KBTBD2: variants seen among roughly 807,000 people sequenced by gnomAD.
KBTBD2 encodes kelch repeat and BTB domain-containing protein 2.
A neutral mutation model predicts 57.1 loss-of-function variants in KBTBD2; 17 were observed. The ratio of observed to expected loss-of-function variants is 0.30; its 90% CI spans 0.20 to 0.45. The LOEUF is 0.45. Among genes scored for constraint, KBTBD2 ranks in the 20% least tolerant of loss-of-function variants. The pLI is 1.00. For synonymous variants in KBTBD2, 267 were observed against 262.7 expected, an observed-to-expected ratio of 1.02 and a Z score of -0.16; for missense variants, 515 against 750.6, an observed-to-expected ratio of 0.69 and a Z score of 3.67.
chr7:32,884,993 CATAT>C (rs199650189), intron 1 of KBTBD2, among the ~76,000 whole-genome samples: 5 of 101,368 alleles, frequency 4.9e-5, no homozygotes, highest in South Asian at 6.8e-4. Flanking sequence ...TATATATACA[CATAT>C]ATGTGTATAT....
chr7:32,891,878 G>GCCGCCC (rs1427683140), upstream of KBTBD2: 1 of 100,534 alleles, frequency 9.9e-6, no homozygotes, highest in African/African-American at 4.1e-5. Flanking sequence ...CGCCGGGCCC[G>GCCGCCC]CCGCCCCCGC....
intron 1 of KBTBD2, among the ~76,000 whole-genome samples, chr7:32,886,384 A>G (rs904072406): frequency 6.6e-6 from 1 of 152,230 alleles, no homozygotes; most frequent in African/African-American, 2.4e-5. Flanking sequence ...AACACATAAA[A>G]GTTTTGAAAC....
At chr7:32,884,981 T>C (rs2127955940) in intron 1 of KBTBD2, among the ~76,000 whole-genome samples, 1 of 123,608 alleles carries the variant, frequency 8.1e-6, no homozygotes. Context: ...TGTGTGTATA[T>C]ATATATATAC....
chr7:32,870,805 T>C lies in KBTBD2; in HGVS notation c.412A>G (p.Ser138Gly). 6.2e-7 allele frequency: 1 copy of C among 1,612,726 alleles called. No homozygotes were observed. The highest frequency in any genetic ancestry group is 8.5e-7 in the Non-Finnish European group (1 of 1,179,682). Residue 138 changes from serine (S) to glycine (G), a missense_variant, in exon 4 of 4, where the codon AGT becomes GGT. Coordinates refer to ENST00000304056, the MANE Select transcript of KBTBD2 (RefSeq NM_015483.3). The part of the protein sequence containing the change: ...INAENCVRLL[S>G]FADLFSCEEL... ...TCACAACTGAAGAGATCAGCAAAAC[T>C]CAACAATCGTACACAATTCTCTGCA...
At chr7:32,881,934 T>C (rs1429217674) in intron 1 of KBTBD2, among the ~76,000 whole-genome samples, 1 of 152,230 alleles carries the variant, frequency 6.6e-6, no homozygotes, top group Admixed American at 6.5e-5. Flanking sequence ...CCCTACATTA[T>C]GAAATCCTCT....
intron 1 of KBTBD2, among the ~76,000 whole-genome samples, chr7:32,885,017 T>TAC (rs200752880): frequency 0.23 from 28,227 of 124,752 alleles, 3,523 homozygotes; most frequent in Admixed American, 0.42. Context: ...TATATATATA[T>TAC]ACACACACAT....
Position 32,875,011 on chromosome 7 carries a change from T to C in KBTBD2, c.317A>G (p.Glu106Gly). ...MNDSTVEQLY[E>G]TACFLQVEDV... ...GCTTACCTGTAGGAAGCAAGCTGTTTCATAAAGCTGTTCTACAGTGCTGTC... is the reference window on the plus strand; with the variant it reads ...GCTTACCTGTAGGAAGCAAGCTGTTCCATAAAGCTGTTCTACAGTGCTGTC... Residue 106 changes from glutamate (E) to glycine (G), a missense_variant, in exon 3 of 4, where the codon GAA becomes GGA. Coordinates refer to ENST00000304056, the MANE Select transcript of KBTBD2 (RefSeq NM_015483.3). The C allele has an allele frequency of 6.2e-7, 1 of 1,614,046 alleles. No homozygotes were observed. The highest frequency in any genetic ancestry group is 1.7e-5 in the Admixed American group (1 of 60,012).
chr7:32,887,058 T>A (rs767951746), intron 1 of KBTBD2, among the ~76,000 whole-genome samples: 8 of 152,122 alleles, frequency 5.3e-5, no homozygotes, highest in Non-Finnish European at 1.0e-4. Context: ...TCCCACTGAG[T>A]AGCCTGGAAA....
chr7:32,876,394 T>C lies in KBTBD2; in HGVS notation c.171-1237A>G, dbSNP rs182476637. 6.9e-3 allele frequency among the ~76,000 whole-genome samples: 1,051 copies of C among 152,148 alleles called. 8 individuals carry two copies. Among genetic ancestry groups the C allele is most frequent in the African/African-American group, 0.02 (821 of 41,492 alleles). On this transcript the variant is annotated intron_variant, in intron 2 of 3. Transcript: ENST00000304056. ...CTCATGCAGGAAACCAGAAAATGAA[T>C]TGGAAAGATGGAGAGCAGTCAGATC...
At chr7:32,891,806 C>A (rs1784756236), upstream of KBTBD2, 3 of 150,418 alleles carry the variant, frequency 2.0e-5, no homozygotes, top group South Asian at 5.4e-4. Flanking sequence ...CCGCCAGACT[C>A]CTCCCCCGGG....
intron 2 of KBTBD2, among the ~76,000 whole-genome samples, chr7:32,878,870 A>C (rs549860510): frequency 3.0e-4 from 46 of 152,350 alleles, no homozygotes; most frequent in Admixed American, 1.0e-3. Flanking sequence ...GCAAAGAGTA[A>C]CTAAATTAAC....
chr7:32,873,384 CAAA>C (rs544661966), intron 3 of KBTBD2, among the ~76,000 whole-genome samples: 2 of 107,784 alleles, frequency 1.9e-5, no homozygotes, highest in Non-Finnish European at 1.9e-5. Flanking sequence ...AAGCTCTAAG[CAAA>C]AAAAAAAAAA....
At chr7:32,874,794 C>G (rs769551199) in intron 3 of KBTBD2, 198 bp downstream of exon 3, 1 of 436,712 alleles carries the variant, frequency 2.3e-6, no homozygotes, top group Non-Finnish European at 4.1e-6. Flanking sequence ...GAGATCAAGA[C>G]CAGCCTGACC....
intron 1 of KBTBD2, among the ~76,000 whole-genome samples, chr7:32,886,550 G>A (rs572643351): frequency 1.6e-4 from 24 of 152,194 alleles, no homozygotes; most frequent in African/African-American, 3.6e-4. Context: ...AAAATACTAC[G>A]GCATTTTATC....
intron 1 of KBTBD2, among the ~76,000 whole-genome samples, chr7:32,884,450 G>T (rs1313389409): frequency 6.7e-6 from 1 of 149,898 alleles, no homozygotes; most frequent in Non-Finnish European, 1.5e-5. Flanking sequence ...AGCACTTTGG[G>T]AGGCTGAGGT....
chr7:32,875,400 T>C (rs1307633823), intron 2 of KBTBD2, among the ~76,000 whole-genome samples: 1 of 152,136 alleles, frequency 6.6e-6, no homozygotes, highest in Non-Finnish European at 1.5e-5. Flanking sequence ...CCCAAGTAGC[T>C]GGGACTACAG....
chr7:32,892,068 C>G (rs1196442511), upstream of KBTBD2: 1 of 151,788 alleles, frequency 6.6e-6, no homozygotes, highest in Non-Finnish European at 1.5e-5. Context: ...TCCTCGCGAC[C>G]GTCCCCCGCC....
chr7:32,869,748 C>G lies in KBTBD2; in HGVS notation c.1469G>C (p.Gly490Ala). The change falls in exon 4 of 4, where the codon GGC becomes GCC. Residue 490 changes from glycine to alanine, a missense_variant. Physicochemically the swap from Gly to Ala is moderately conservative, Grantham distance 60. Transcript: ENST00000304056. ...ATNSGIRLPS[G>A]TVDGSSVTVE... The stretch of plus-strand genomic sequence containing the variant: ...AGTTACTGAAGACCCATCTACAGTG[C>G]CAGAGGGGAGTCTTATGCCGGAATT... 1 of 1,614,016 alleles carries G rather than the reference C, an allele frequency of 6.2e-7. No homozygotes were observed. The highest frequency in any genetic ancestry group is 8.5e-7 in the Non-Finnish European group (1 of 1,179,990).
chr7:32,871,260 A>C (rs1262393571), intron 3 of KBTBD2, among the ~76,000 whole-genome samples: 1 of 152,176 alleles, frequency 6.6e-6, no homozygotes, highest in Non-Finnish European at 1.5e-5. Context: ...GTATAGAGAA[A>C]ATTATTGTTG....
Sources: gnomAD v4.1 joint callset for allele counts (sites outside exome capture counted in the v4.1 genomes callset) on GRCh38, gnomAD v4.1.1 for gene constraint, MANE v1.5 for transcripts, NCBI Gene and HGNC (gene_info 2026-07-23, HGNC 2026-07-21) for gene names.